CPO: variants seen among roughly 807,000 people sequenced by gnomAD.
The protein encoded by CPO is metallocarboxypeptidase C.
In CPO, 43 loss-of-function variants were observed where a neutral mutation model predicts 41.2. That is an observed-to-expected ratio of 1.04 (90% CI 0.82 to 1.35). CPO has a LOEUF of 1.35. Ranked by LOEUF, CPO falls within the 40% of genes most tolerant of loss-of-function variation. The probability of loss-of-function intolerance (pLI) is 0.00; values close to 1 mark genes in which losing one functional copy is unlikely to be tolerated. For missense variants in CPO, 408 were observed against 451.7 expected (o/e 0.90, Z 0.88); for synonymous variants, 178 against 162.7 (o/e 1.09, Z -0.72).
At position 206,969,327 on chromosome 2, in the gene CPO, C is replaced by T; in HGVS notation, c.1016C>T (p.Ser339Leu). ...TCEETMEAVLSVLDDVYAKHW... is the reference protein window; with the variant it reads ...TCEETMEAVLLVLDDVYAKHW... ...GAGGAGACCATGGAGGCTGTGCTGT[C>T]AGTCCTGGATGATGTGTATGCGAAA... Residue 339 changes from serine (S) to leucine (L), a missense_variant, in exon 9 of 9, where the codon TCA (serine) becomes TTA (leucine). Physicochemically the swap from Ser to Leu is moderately radical, Grantham distance 145. Coordinates refer to ENST00000272852, the MANE Select transcript of CPO (RefSeq NM_173077.3). 1.2e-6 allele frequency: 2 copies of T among 1,614,076 alleles called. No individual in the cohort carries two copies. Among genetic ancestry groups the T allele is most frequent in the Non-Finnish European group, 1.7e-6 (2 of 1,180,022 alleles).
At chr2:206,951,660 G>A (rs1486332417) in intron 2 of CPO, among the ~76,000 whole-genome samples, 3 of 152,296 alleles carry the variant, frequency 2.0e-5, no homozygotes, top group Middle Eastern at 3.4e-3. Context: ...TTATGACCTG[G>A]TATCAGAGAT....
intron 1 of CPO, among the ~76,000 whole-genome samples, chr2:206,941,986 C>T (rs1210781988): frequency 3.3e-5 from 5 of 151,640 alleles, no homozygotes; most frequent in Non-Finnish European, 5.9e-5. Context: ...CTCAAGGAAA[C>T]AATAAAAAAT....
At position 206,959,612 on chromosome 2, in the gene CPO, T is replaced by G. The variant is rs1449033600; in HGVS notation, c.373-19T>G. 9 of 1,058,304 alleles carry G rather than the reference T, an allele frequency of 8.5e-6. No individual in the cohort carries two copies. Among genetic ancestry groups the G allele is most frequent in the Non-Finnish European group, 1.0e-5 (7 of 682,836 alleles). The allele number at this position is 1,058,304 out of a possible 1,614,324, so 65.6% of individuals were successfully genotyped here. ...AAGATCTCAAAATAATTCTGAACAT[T>G]TCTTTCTTAAATTTCCAGATTCTAC... On this transcript the variant is annotated intron_variant, in intron 4 of 8. Transcript: ENST00000272852.
intron 2 of CPO, among the ~76,000 whole-genome samples, chr2:206,953,468 CA>C (rs1693303209): frequency 6.6e-6 from 1 of 152,260 alleles, no homozygotes; most frequent in South Asian, 2.1e-4. Context: ...CCCTTGACTC[CA>C]TGTCTCACAT....
intron 1 of CPO, among the ~76,000 whole-genome samples, chr2:206,943,912 C>G (rs17458357): frequency 0.21 from 31,667 of 152,006 alleles, 3,912 homozygotes; most frequent in Non-Finnish European, 0.29. Flanking sequence ...TCTCTCCTGA[C>G]CTTAAAACAG....
chr2:206,958,194 T>A (rs767937135), intron 3 of CPO, 107 bp from the exon 4 acceptor site: 18 of 576,488 alleles, frequency 3.1e-5, no homozygotes, highest in Non-Finnish European at 5.2e-5. Context: ...AACCACAGAG[T>A]GGAGTGAAAA....
At chr2:206,942,658 A>C (rs1480261471) in intron 1 of CPO, among the ~76,000 whole-genome samples, 2 of 152,148 alleles carry the variant, frequency 1.3e-5, no homozygotes, top group African/African-American at 2.4e-5. Flanking sequence ...ATTCCTGTTC[A>C]AAAAGAATAC....
intron 2 of CPO, among the ~76,000 whole-genome samples, chr2:206,950,839 G>A (rs1235260155): frequency 4.6e-5 from 7 of 151,544 alleles, no homozygotes; most frequent in East Asian, 1.9e-4. Flanking sequence ...AAAACCAAAC[G>A]CTGCATGTTC....
chr2:206,950,455 T>C (rs34692277), intron 2 of CPO, among the ~76,000 whole-genome samples: 3 of 152,118 alleles, frequency 2.0e-5, no homozygotes, highest in Non-Finnish European at 2.9e-5. Context: ...TGTGGAGAAA[T>C]AGGAACGCTT....
rs184655336 is a variant in CPO at position 206,961,968 on chromosome 2, C to T, written c.575-444C>T. On this transcript the variant is annotated intron_variant, in intron 6 of 8. Coordinates refer to ENST00000272852, the MANE Select transcript of CPO (RefSeq NM_173077.3). ...AAAAAAAATTAGCCTCGCGTGGTGG[C>T]GGGTGCCTGTAGTCCCAGCTACTGG... 3.1e-3 allele frequency among the ~76,000 whole-genome samples: 470 copies of T among 151,486 alleles called. 1 individual carries two copies. The highest frequency in any genetic ancestry group is 4.8e-3 in the Non-Finnish European group (328 of 67,858).
At chr2:206,961,094 A>G in intron 6 of CPO, 152 bp downstream of exon 6, 1 of 629,676 alleles carries the variant, frequency 1.6e-6, no homozygotes, top group South Asian at 1.9e-5. Context: ...CTAACAGGAT[A>G]ATATTATCTA....
At chr2:206,965,122 A>G (rs1435525763) in intron 7 of CPO, among the ~76,000 whole-genome samples, 5 of 152,220 alleles carry the variant, frequency 3.3e-5, no homozygotes, top group Admixed American at 3.3e-4. Context: ...CCATAGCACT[A>G]TATACAGAAA....
At chr2:206,959,934 C>T (rs1693447806) in intron 5 of CPO, among the ~76,000 whole-genome samples, 193 bp downstream of exon 5, 1 of 152,152 alleles carries the variant, frequency 6.6e-6, no homozygotes, top group Admixed American at 6.5e-5. Flanking sequence ...CTAAGGAAGC[C>T]TAAGGCCTTT....
chr2:206,947,163 C>T (rs895027538), intron 1 of CPO, among the ~76,000 whole-genome samples: 4 of 152,074 alleles, frequency 2.6e-5, no homozygotes, highest in African/African-American at 9.7e-5. Flanking sequence ...CAGTACCCAA[C>T]CTCAAGACTT....
intron 2 of CPO, among the ~76,000 whole-genome samples, chr2:206,951,788 A>G (rs1175748883): frequency 2.0e-5 from 3 of 152,204 alleles, no homozygotes; most frequent in African/African-American, 7.2e-5. Flanking sequence ...ATCTTGTAGC[A>G]TTGTTGTGAG....
chr2:206,959,606 G>A (rs901982883), intron 4 of CPO, 25 bp from the exon 5 acceptor site: 1 of 1,000,956 alleles, frequency 1.0e-6, no homozygotes, highest in Non-Finnish European at 1.6e-6. Context: ...AAATAATTCT[G>A]AACATTTCTT....
intron 1 of CPO, among the ~76,000 whole-genome samples, chr2:206,947,000 G>C (rs1597916): frequency 0.08 from 12,185 of 152,192 alleles, 1,096 homozygotes; most frequent in African/African-American, 0.22. Context: ...CAGACAGGAA[G>C]ACTGAGTATT....
chr2:206,947,531 G>A (rs892986137), intron 1 of CPO, among the ~76,000 whole-genome samples: 6 of 152,042 alleles, frequency 3.9e-5, no homozygotes, highest in African/African-American at 1.4e-4. Context: ...CACAATCCTC[G>A]AAAGTAAGAA....
intron 1 of CPO, among the ~76,000 whole-genome samples, chr2:206,948,306 A>G (rs73983113): frequency 0.014 from 2,194 of 152,342 alleles, 49 homozygotes; most frequent in African/African-American, 0.049. Context: ...AATGCATACT[A>G]TTCAGTGAAA....
Sources: gnomAD v4.1 joint callset for allele counts (sites outside exome capture counted in the v4.1 genomes callset) on GRCh38, gnomAD v4.1.1 for gene constraint, MANE v1.5 for transcripts, NCBI Gene and HGNC (gene_info 2026-07-23, HGNC 2026-07-21) for gene names.